Variants in MAPK4 observed in about 807,000 individuals in gnomAD.
MAPK4 encodes the protein mitogen-activated protein kinase 4, also known as Erk3-related.
Under a neutral mutation model 47.7 loss-of-function variants are expected in MAPK4, and 22 were observed. The ratio of observed to expected loss-of-function variants is 0.46; its 90% confidence interval spans 0.33 to 0.66. The LOEUF (loss-of-function observed/expected upper bound fraction) is 0.66, where lower values mean the gene tolerates loss of function less well. Ranked by LOEUF, MAPK4 falls within the 30% of genes least tolerant of loss-of-function variation. The pLI is 0.02. For missense variants in MAPK4, 736 were observed against 831.7 expected, an observed-to-expected ratio of 0.88 and a Z score of 1.42; for synonymous variants, 390 against 365.7, an observed-to-expected ratio of 1.07 and a Z score of -0.76.
At chr18:50,634,180 C>T (rs1474752048) in intron 1 of MAPK4, among the ~76,000 whole-genome samples, 1 of 152,100 alleles carries the variant, frequency 6.6e-6, no homozygotes, top group East Asian at 1.9e-4. Flanking sequence ...CAGAGCTGAG[C>T]GGGGGTATTC....
chr18:50,571,788 G>T (rs1228105838), intron 1 of MAPK4, among the ~76,000 whole-genome samples: 1 of 152,112 alleles, frequency 6.6e-6, no homozygotes, highest in Non-Finnish European at 1.5e-5. Flanking sequence ...AAAGCCACAG[G>T]GAGTTCAGAC....
intron 2 of MAPK4, among the ~76,000 whole-genome samples, chr18:50,700,906 C>T (rs1909751839): frequency 6.6e-6 from 1 of 152,034 alleles, no homozygotes; most frequent in African/African-American, 2.4e-5. Context: ...GAAATCAAAC[C>T]TTTTCTGGTG....
chr18:50,650,214 G>C (rs2043033328), intron 1 of MAPK4, among the ~76,000 whole-genome samples: 1 of 152,218 alleles, frequency 6.6e-6, no homozygotes, highest in Non-Finnish European at 1.5e-5. Flanking sequence ...CCGTCTCTGT[G>C]TCCTGAGTGC....
chr18:50,638,149 T>C (rs2042904308), intron 1 of MAPK4, among the ~76,000 whole-genome samples: 1 of 152,186 alleles, frequency 6.6e-6, no homozygotes, highest in African/African-American at 2.4e-5. Flanking sequence ...GATGCGATGC[T>C]AGGTTGGCAA....
chr18:50,629,960 C>T (rs1295778863), intron 1 of MAPK4: 6 of 152,178 alleles, frequency 3.9e-5, no homozygotes, highest in Admixed American at 3.3e-4. Flanking sequence ...CGTTATTAAA[C>T]ATGTGCATGT....
At chr18:50,723,363 A>G (rs887282649) in intron 4 of MAPK4, among the ~76,000 whole-genome samples, 11 of 152,198 alleles carry the variant, frequency 7.2e-5, no homozygotes, top group Admixed American at 3.3e-4. Flanking sequence ...AGCCCCAGGC[A>G]CACAGCCATT....
chr18:50,625,478 T>C (rs973222870), intron 1 of MAPK4, among the ~76,000 whole-genome samples: 1 of 152,090 alleles, frequency 6.6e-6, no homozygotes, highest in Non-Finnish European at 1.5e-5. Flanking sequence ...AAACCCCCAT[T>C]CCGTGAGCAA....
At chr18:50,593,002 C>G (rs756412210) in intron 1 of MAPK4, among the ~76,000 whole-genome samples, 1 of 152,110 alleles carries the variant, frequency 6.6e-6, no homozygotes, top group Non-Finnish European at 1.5e-5. Flanking sequence ...GTCATTCGTC[C>G]CACACTAATT....
At chr18:50,572,629 G>A (rs1598784019) in intron 1 of MAPK4, among the ~76,000 whole-genome samples, 1 of 143,408 alleles carries the variant, frequency 7.0e-6, no homozygotes. Flanking sequence ...TGAACTAGAG[G>A]CAGTAAAAAA....
rs150458901 is a variant in MAPK4 at position 50,686,521 on chromosome 18, C to T, written c.546+22017C>T. 2.9e-3 allele frequency among the ~76,000 whole-genome samples: 437 copies of T among 152,316 alleles called. 12 individuals are homozygous for T. In the East Asian group the frequency reaches 0.039, roughly 14 times the overall value. ...GGATTTTCTTCTCAGATGTGGCTCCCGATTTAAGCAAACCAAACCGACACA... is the reference window on the plus strand; with the variant it reads ...GGATTTTCTTCTCAGATGTGGCTCCTGATTTAAGCAAACCAAACCGACACA... On this transcript the variant is annotated intron_variant, in intron 2 of 5. Transcript: ENST00000400384.
upstream of MAPK4, among the ~76,000 whole-genome samples, chr18:50,559,630 C>T (rs1260518995): frequency 5.8e-5 from 8 of 138,836 alleles, no homozygotes; most frequent in Non-Finnish European, 1.3e-4. Context: ...TCCCACCGGG[C>T]CCCCGGCGGC....
At chr18:50,608,677 C>G (rs758621535) in intron 1 of MAPK4, among the ~76,000 whole-genome samples, 1 of 152,024 alleles carries the variant, frequency 6.6e-6, no homozygotes, top group Non-Finnish European at 1.5e-5. Flanking sequence ...ATGTTTACCC[C>G]TCCAGCCTGT....
chr18:50,701,057 G>T (rs982312605), intron 2 of MAPK4, among the ~76,000 whole-genome samples: 1 of 152,108 alleles, frequency 6.6e-6, no homozygotes, highest in Non-Finnish European at 1.5e-5. Flanking sequence ...TCCAGCCCTC[G>T]AGATGATTTT....
In MAPK4 at chr18:50,598,931, G is replaced by T. The variant is rs114586644; in HGVS notation, c.-871+38688G>T. On this transcript the variant is annotated intron_variant, in intron 1 of 5. Coordinates refer to ENST00000400384, the MANE Select transcript of MAPK4 (RefSeq NM_002747.4). ...TGACCCTCTTGTCATGTCATATCAGGGGATACATGATATCCCCATGATTGG... is the reference window on the plus strand; with the variant it reads ...TGACCCTCTTGTCATGTCATATCAGTGGATACATGATATCCCCATGATTGG... 9.3e-3 allele frequency among the ~76,000 whole-genome samples: 1,414 copies of T among 152,198 alleles called. 20 individuals are homozygous for T. Among genetic ancestry groups the T allele is most frequent in the African/African-American group, 0.032 (1,311 of 41,514 alleles).
At chr18:50,653,272 G>T (rs1162067988) in intron 1 of MAPK4, among the ~76,000 whole-genome samples, 1 of 152,098 alleles carries the variant, frequency 6.6e-6, no homozygotes, top group Non-Finnish European at 1.5e-5. Flanking sequence ...CTGACAAAAG[G>T]AACAGCAAGT....
intron 2 of MAPK4, among the ~76,000 whole-genome samples, chr18:50,698,300 C>T (rs1909611799): frequency 6.6e-6 from 1 of 152,186 alleles, no homozygotes; most frequent in Non-Finnish European, 1.5e-5. Context: ...AGACTCAAAA[C>T]TATGGCAATA....
intron 1 of MAPK4, among the ~76,000 whole-genome samples, chr18:50,578,098 G>A (rs2149361377): frequency 6.6e-6 from 1 of 152,316 alleles, no homozygotes; most frequent in South Asian, 2.1e-4. Flanking sequence ...GTGTTGCCTG[G>A]TTTCCTTTGT....
intron 2 of MAPK4, among the ~76,000 whole-genome samples, chr18:50,698,297 A>C (rs1485632380): frequency 1.3e-5 from 2 of 152,258 alleles, no homozygotes; most frequent in Admixed American, 1.3e-4. Context: ...CAGAGACTCA[A>C]AACTATGGCA....
intron 2 of MAPK4, chr18:50,704,760 C>G: frequency 2.5e-6 from 1 of 398,630 alleles, no homozygotes. Context: ...TGTCGTTACC[C>G]TCCCTGCCTC....
Sources: gnomAD v4.1 joint callset for allele counts (sites outside exome capture counted in the v4.1 genomes callset) on GRCh38, gnomAD v4.1.1 for gene constraint, MANE v1.5 for transcripts, NCBI Gene and HGNC (gene_info 2026-07-23, HGNC 2026-07-21) for gene names.